Variants in GALNT10 observed in about 807,000 individuals in gnomAD.
GALNT10 encodes polypeptide N-acetylgalactosaminyltransferase 10.
GALNT10 carries 41 observed loss-of-function variants against 75.0 expected under a neutral mutation model. That is an observed-to-expected ratio of 0.55 (90% CI 0.43 to 0.71). GALNT10 has a LOEUF of 0.71. Among genes scored for constraint, GALNT10 ranks in the 30% least tolerant of loss-of-function variants. The pLI is 0.00. For missense variants in GALNT10, 727 were observed against 818.5 expected, an observed-to-expected ratio of 0.89 and a Z score of 1.36; for synonymous variants, 302 against 313.0, an observed-to-expected ratio of 0.96 and a Z score of 0.37.
At chr5:154,384,967 C>T (rs1009856240) in intron 6 of GALNT10, among the ~76,000 whole-genome samples, 1 of 152,192 alleles carries the variant, frequency 6.6e-6, no homozygotes, top group Admixed American at 6.5e-5. Context: ...CATATTCAAG[C>T]CCTCAGTAAA....
rs1306080842 is a variant in GALNT10 at position 154,376,336 on chromosome 5, C to T, written c.628C>T (p.Arg210Ter). 6 of 1,612,004 alleles carry T rather than the reference C, an allele frequency of 3.7e-6. No homozygotes were observed. Among genetic ancestry groups the T allele is most frequent in the East Asian group, 4.5e-5 (2 of 44,822 alleles). Residue 210 changes from arginine to a stop codon, truncating the protein, a stop_gained, in exon 5 of 12, where the codon CGA (arginine) becomes TGA (stop). Coordinates refer to ENST00000297107, the MANE Select transcript of GALNT10 (RefSeq NM_198321.4). LOFTEE classifies it high-confidence loss of function. The surrounding 1 kb of genome is among the most constrained non-coding windows in gnomAD (Gnocchi z 4.1). ...CCTTTTCCCCAGTGTGAGGATTCTT[C>T]GAACCAAGAAACGGGAAGGGCTGAT... ...MALFPSVRIL[R>*]TKKREGLIRT...
chr5:154,225,375 G>A (rs535205596), intron 1 of GALNT10, among the ~76,000 whole-genome samples: 3 of 150,082 alleles, frequency 2.0e-5, no homozygotes, highest in East Asian at 2.0e-4. Context: ...TTACAGGCGT[G>A]AGCCACTGCG....
At chr5:154,335,607 A>C (rs1754935467) in intron 4 of GALNT10, among the ~76,000 whole-genome samples, 1 of 152,192 alleles carries the variant, frequency 6.6e-6, no homozygotes, top group Non-Finnish European at 1.5e-5. Flanking sequence ...ATTAGTATTA[A>C]TATTTAGGCT....
At chr5:154,249,959 G>C (rs1753488957) in intron 1 of GALNT10, among the ~76,000 whole-genome samples, 1 of 152,186 alleles carries the variant, frequency 6.6e-6, no homozygotes, top group Admixed American at 6.5e-5. Context: ...CTGTGACCCT[G>C]TGCCAGAAAT....
chr5:154,215,560 C>T (rs1050419119), intron 1 of GALNT10, among the ~76,000 whole-genome samples: 1 of 152,208 alleles, frequency 6.6e-6, no homozygotes, highest in Non-Finnish European at 1.5e-5. Context: ...ATGTGGAGGT[C>T]ACCACCTCTG....
intron 3 of GALNT10, among the ~76,000 whole-genome samples, chr5:154,315,351 G>A (rs1303806159): frequency 3.3e-5 from 5 of 152,200 alleles, no homozygotes; most frequent in Non-Finnish European, 7.3e-5. Context: ...CCCCGCAGGG[G>A]AAGGAGGTGG....
chr5:154,269,862 C>T (rs1241752106), intron 1 of GALNT10, among the ~76,000 whole-genome samples: 1 of 152,160 alleles, frequency 6.6e-6, no homozygotes, highest in Admixed American at 6.5e-5. Flanking sequence ...GGGAAGCCCA[C>T]AGTGACACCA....
At position 154,263,927 on chromosome 5, in the gene GALNT10, G is replaced by A. The variant is rs373198384; in HGVS notation, c.160-30889G>A. Among the ~76,000 whole-genome samples the A allele has an allele frequency of 5.3e-5, 8 of 152,130 alleles. No homozygotes were observed. The East Asian group carries it at 1.3e-3, about 26-fold the overall frequency. ...GATGAAAATAATCTGAAATTAGATA[G>A]CGTTGATGTTTATACAACTTTATAA... On this transcript the variant is annotated intron_variant, in intron 1 of 11. Coordinates refer to ENST00000297107, the MANE Select transcript of GALNT10 (RefSeq NM_198321.4).
intron 1 of GALNT10, among the ~76,000 whole-genome samples, chr5:154,283,981 A>G (rs1167514633): frequency 1.3e-5 from 2 of 152,220 alleles, no homozygotes; most frequent in Admixed American, 1.3e-4. Context: ...AAGGAAGGAT[A>G]TTACAATAGG....
chr5:154,287,890 CTGTG>C lies in GALNT10; in HGVS notation c.160-6905_160-6902del, dbSNP rs61253851. Among the ~76,000 whole-genome samples, 596 of 145,332 alleles carry C rather than the reference CTGTG, an allele frequency of 4.1e-3. 4 individuals carry two copies. Among genetic ancestry groups the C allele is most frequent in the African/African-American group, 0.012 (478 of 39,012 alleles). ...AGGTAATCTTGAAGAAATTGCTTTG[CTGTG>C]TGTGTGTGTGTGTGTGTGTGAGAGA... On this transcript the variant is annotated intron_variant, in intron 1 of 11. Coordinates refer to ENST00000297107, the MANE Select transcript of GALNT10 (RefSeq NM_198321.4).
At position 154,211,765 on chromosome 5, in the gene GALNT10, G is replaced by A. The variant is rs578144643; in HGVS notation, c.159+20740G>A. Among the ~76,000 whole-genome samples, 29 of 152,182 alleles carry A rather than the reference G, an allele frequency of 1.9e-4. No individual in the cohort carries two copies. In the East Asian group the frequency reaches 3.5e-3, roughly 18 times the overall value. Reference sequence around the variant, plus strand: ...AAGATGGCTCACTCCCTTGGCAGCCGGAAGGAGACCGCAGTTCCTCAACAC... The same window carrying A: ...AAGATGGCTCACTCCCTTGGCAGCCAGAAGGAGACCGCAGTTCCTCAACAC... On this transcript the variant is annotated intron_variant, in intron 1 of 11. Coordinates refer to ENST00000297107, the MANE Select transcript of GALNT10 (RefSeq NM_198321.4).
At chr5:154,308,778 A>G (rs1048194877) in intron 3 of GALNT10, among the ~76,000 whole-genome samples, 1 of 152,256 alleles carries the variant, frequency 6.6e-6, no homozygotes, top group African/African-American at 2.4e-5. Context: ...ATCAAGAGAT[A>G]GTCCCTGTCT....
At chr5:154,290,926 G>C (rs530492615) in intron 1 of GALNT10, among the ~76,000 whole-genome samples, 1 of 152,312 alleles carries the variant, frequency 6.6e-6, no homozygotes, top group African/African-American at 2.4e-5. Context: ...TCTAGCAGCT[G>C]CGTGCTTAGA....
chr5:154,342,267 A>C (rs1755046001), intron 4 of GALNT10, among the ~76,000 whole-genome samples: 1 of 152,226 alleles, frequency 6.6e-6, no homozygotes, highest in Non-Finnish European at 1.5e-5. Flanking sequence ...TTTTCACAGA[A>C]GGAGAGAACC....
intron 1 of GALNT10, among the ~76,000 whole-genome samples, chr5:154,210,087 C>T (rs1380473874): frequency 1.3e-5 from 2 of 152,136 alleles, no homozygotes; most frequent in African/African-American, 4.8e-5. Context: ...TTCATTTCCT[C>T]TCTCCATGCA....
chr5:154,247,395 T>C (rs935344445), intron 1 of GALNT10, among the ~76,000 whole-genome samples: 3 of 152,240 alleles, frequency 2.0e-5, no homozygotes, highest in Non-Finnish European at 4.4e-5. Flanking sequence ...ATCAATTACC[T>C]TGGGCAGTAT....
chr5:154,243,964 T>G (rs1400374272), intron 1 of GALNT10, among the ~76,000 whole-genome samples: 1 of 152,148 alleles, frequency 6.6e-6, no homozygotes, highest in African/African-American at 2.4e-5. Flanking sequence ...GAGTCCTCAT[T>G]TTATAGATGA....
At chr5:154,236,998 A>C (rs1176676742) in intron 1 of GALNT10, among the ~76,000 whole-genome samples, 1 of 152,148 alleles carries the variant, frequency 6.6e-6, no homozygotes, top group Non-Finnish European at 1.5e-5. Context: ...TAAATACCAA[A>C]ACCATTTTCC....
intron 1 of GALNT10, among the ~76,000 whole-genome samples, chr5:154,193,427 G>A (rs528652528): frequency 2.0e-5 from 3 of 152,362 alleles, no homozygotes; most frequent in South Asian, 4.1e-4. Flanking sequence ...TGACTTCTCA[G>A]AGTGATGGTG....
Sources: allele counts gnomAD v4.1 joint callset (sites outside exome capture counted in the v4.1 genomes callset), GRCh38; gene constraint gnomAD v4.1.1; non-coding constraint Gnocchi (gnomAD v3.1); transcripts MANE v1.5; gene names NCBI Gene and HGNC (gene_info 2026-07-23, HGNC 2026-07-21).